The following RFX8 variants were observed in gnomAD, a reference collection of about 807,000 sequenced individuals.
RFX8 encodes the protein DNA-binding protein RFX8.
Under a neutral mutation model 54.6 loss-of-function variants are expected in RFX8, and 46 were observed. The ratio of observed to expected loss-of-function variants is 0.84; its 90% CI spans 0.67 to 1.08. RFX8 has a LOEUF of 1.08. Ranked by LOEUF, RFX8 falls within the 50% of genes least tolerant of loss-of-function variation. The pLI is 0.00. For missense variants in RFX8, 536 were observed against 562.3 expected (o/e 0.95, Z 0.47); for synonymous variants, 192 against 209.5 (o/e 0.92, Z 0.72).
chr2:101,431,798 C>T (rs1687502891), intron 2 of RFX8, among the ~76,000 whole-genome samples: 1 of 152,112 alleles, frequency 6.6e-6, no homozygotes, highest in Admixed American at 6.6e-5. Context: ...CTTAATTCAG[C>T]AGCAATCGAA....
At chr2:101,469,447 C>G (rs1209348672) in intron 1 of RFX8, among the ~76,000 whole-genome samples, 2 of 152,038 alleles carry the variant, frequency 1.3e-5, no homozygotes, top group South Asian at 2.1e-4. Context: ...ACCACTGCAC[C>G]TGGCTTATAT....
chr2:101,400,185 G>A (rs1412472611), intron 11 of RFX8, among the ~76,000 whole-genome samples: 2 of 152,202 alleles, frequency 1.3e-5, no homozygotes, highest in African/African-American at 4.8e-5. Flanking sequence ...TGGTTACCTT[G>A]CTGACTAGGA....
intron 2 of RFX8, among the ~76,000 whole-genome samples, chr2:101,442,760 G>C (rs937232139): frequency 2.6e-5 from 4 of 152,064 alleles, no homozygotes; most frequent in Non-Finnish European, 4.4e-5. Context: ...CCTCCCACTG[G>C]TTCCTGCTGG....
At chr2:101,447,323 C>T (rs1231596340) in intron 2 of RFX8, among the ~76,000 whole-genome samples, 2 of 152,170 alleles carry the variant, frequency 1.3e-5, no homozygotes, top group Non-Finnish European at 2.9e-5. Flanking sequence ...TATTTCAGTG[C>T]CCACTCTGGG....
Position 101,437,507 on chromosome 2 carries a change from G to A in RFX8, c.73-15035C>T, listed in dbSNP as rs1338165403. 5.3e-5 allele frequency among the ~76,000 whole-genome samples: 8 copies of A among 152,010 alleles called. No individual in the cohort carries two copies. The East Asian group carries it at 7.7e-4, about 15-fold the overall frequency. Reference sequence around the variant, plus strand: ...GCGGGAGGATCATTTGAGCCTAGGCGGTCAAGGCTGCAGTGAGCCATGATC... The same window carrying A: ...GCGGGAGGATCATTTGAGCCTAGGCAGTCAAGGCTGCAGTGAGCCATGATC... On this transcript the variant is annotated intron_variant, in intron 2 of 11. Coordinates refer to ENST00000428343, the MANE Select transcript of RFX8 (RefSeq NM_001145664.2).
chr2:101,462,675 TTA>T (rs1689344891), intron 2 of RFX8, among the ~76,000 whole-genome samples: 1 of 75,450 alleles, frequency 1.3e-5, no homozygotes, highest in Non-Finnish European at 3.3e-5. Flanking sequence ...ATTATTAATA[TTA>T]CTATTATTAA....
rs1686604860 is a variant in RFX8, at chr2:101,417,594, G to C, written c.442C>G (p.Leu148Val). The change falls in exon 6 of 12, where the codon CTG becomes GTG. Residue 148 changes from leucine to valine, a missense_variant. Coordinates refer to ENST00000428343, the MANE Select transcript of RFX8 (RefSeq NM_001145664.2). ...SVQLFSKKFKLWLLNALEGVP... is the reference protein window; with the variant it reads ...SVQLFSKKFKVWLLNALEGVP... ...CCTTCCAAAGCATTAAGGAGCCACA[G>C]CTTAAATTTCTTACTAAATAACTGC... 1 of 1,551,646 alleles carries C rather than the reference G, an allele frequency of 6.4e-7. No homozygotes were observed.
intron 2 of RFX8, chr2:101,452,350 T>C (rs1430552622): frequency 8.2e-7 from 1 of 1,214,842 alleles, no homozygotes; most frequent in Non-Finnish European, 1.1e-6. Flanking sequence ...TCCTTGTTTT[T>C]AACATTTGAA....
At chr2:101,435,740 T>G (rs890148324) in intron 2 of RFX8, among the ~76,000 whole-genome samples, 1 of 152,118 alleles carries the variant, frequency 6.6e-6, no homozygotes, top group Non-Finnish European at 1.5e-5. Flanking sequence ...TCTGCCCTGA[T>G]AGGGGAGCAG....
chr2:101,436,044 C>T (rs759874789), intron 2 of RFX8, among the ~76,000 whole-genome samples: 2 of 152,104 alleles, frequency 1.3e-5, no homozygotes, highest in African/African-American at 2.4e-5. Context: ...GGCTCTGTCA[C>T]GACCCCCCTG....
At chr2:101,451,908 A>AAT (rs1688705352) in intron 2 of RFX8, among the ~76,000 whole-genome samples, 1 of 152,104 alleles carries the variant, frequency 6.6e-6, no homozygotes, top group Admixed American at 6.6e-5. Context: ...CACCTGGGCA[A>AAT]TTTAGGAAAA....
At chr2:101,417,791 G>T in intron 5 of RFX8, 107 bp from the exon 6 acceptor site, 1 of 868,916 alleles carries the variant, frequency 1.2e-6, no homozygotes, top group Non-Finnish European at 1.7e-6. Flanking sequence ...CTGAGAGCGG[G>T]TCCCCACCCA....
intron 2 of RFX8, among the ~76,000 whole-genome samples, chr2:101,432,250 C>A (rs1180248647): frequency 3.3e-5 from 5 of 152,208 alleles, no homozygotes; most frequent in Admixed American, 6.5e-5. Flanking sequence ...AACAAAGAAC[C>A]ACAAAAATAT....
At chr2:101,414,354 A>G (rs1053949693) in intron 7 of RFX8, among the ~76,000 whole-genome samples, 3 of 151,724 alleles carry the variant, frequency 2.0e-5, no homozygotes, top group African/African-American at 7.3e-5. Context: ...TGCAACTTCC[A>G]CTTCCCAGGT....
chr2:101,417,692 A>C lies in RFX8; in HGVS notation c.352-8T>G. The C allele has an allele frequency of 6.5e-7, 1 of 1,543,924 alleles. No individual in the cohort carries two copies. Among genetic ancestry groups the C allele is most frequent in the Non-Finnish European group, 8.7e-7 (1 of 1,143,166 alleles). On this transcript the variant is annotated splice_polypyrimidine_tract_variant and splice_region_variant and intron_variant, in intron 5 of 11. Transcript: ENST00000428343. ...GAGAACATCCTCAATTCCCTACAAC[A>C]AAAGTAACAAGACACTATGATTCTG...
At chr2:101,468,374 G>A (rs975966193) in intron 1 of RFX8, among the ~76,000 whole-genome samples, 1 of 152,098 alleles carries the variant, frequency 6.6e-6, no homozygotes, top group Admixed American at 6.5e-5. Flanking sequence ...AGTGTTCCTC[G>A]GCTTCACTCC....
chr2:101,412,523 C>A lies in RFX8; in HGVS notation c.718+392G>T, dbSNP rs149969055. Among the ~76,000 whole-genome samples, 126 of 152,288 alleles carry A rather than the reference C, an allele frequency of 8.3e-4. 4 individuals are homozygous for A. Among genetic ancestry groups the A allele is most frequent in the Admixed American group, 2.4e-3 (37 of 15,300 alleles). ...AGAATGTGTCGACGCAGACATCTAG[C>A]TCAAGGCAGTTTAGCATGATTGAGG... On this transcript the variant is annotated intron_variant, in intron 8 of 11. Coordinates refer to ENST00000428343, the MANE Select transcript of RFX8 (RefSeq NM_001145664.2).
At chr2:101,432,577 C>A (rs1307630872) in intron 2 of RFX8, among the ~76,000 whole-genome samples, 1 of 152,236 alleles carries the variant, frequency 6.6e-6, no homozygotes, top group East Asian at 1.9e-4. Flanking sequence ...GTGGCCGTTT[C>A]AGACAGAAGC....
intron 11 of RFX8, among the ~76,000 whole-genome samples, chr2:101,399,268 G>A (rs1685295449): frequency 2.0e-5 from 3 of 152,196 alleles, no homozygotes; most frequent in Admixed American, 6.5e-5. Context: ...GACATGCAGG[G>A]TGTGCTTTTT....
Sources: allele counts gnomAD v4.1 joint callset (sites outside exome capture counted in the v4.1 genomes callset), GRCh38; gene constraint gnomAD v4.1.1; transcripts MANE v1.5; gene names NCBI Gene and HGNC (gene_info 2026-07-23, HGNC 2026-07-21).